The following EFCAB6 variants were observed in gnomAD, a reference collection of about 807,000 sequenced individuals.
EFCAB6 encodes EF-hand calcium-binding domain-containing protein 6.
Under a neutral mutation model 169.8 loss-of-function variants are expected in EFCAB6, and 156 were observed. The ratio of observed to expected loss-of-function variants is 0.92; its 90% CI spans 0.81 to 1.05. The LOEUF (loss-of-function observed/expected upper bound fraction) is 1.05, where lower values mean the gene tolerates loss of function less well. Among genes scored for constraint, EFCAB6 ranks in the 50% least tolerant of loss-of-function variants. The pLI is 0.00. For synonymous variants in EFCAB6, 698 were observed against 676.4 expected (o/e 1.03, Z -0.50); for missense variants, 1,800 against 1,829.1 (o/e 0.98, Z 0.29).
intron 6 of EFCAB6, among the ~76,000 whole-genome samples, chr22:43,751,468 T>C (rs892521913): frequency 6.6e-6 from 1 of 152,206 alleles, no homozygotes; most frequent in South Asian, 2.1e-4. Context: ...CTTTCTCTCC[T>C]GGCAGTCCTC....
At position 43,633,184 on chromosome 22, in the gene EFCAB6, C is replaced by A. The variant is rs541649579; in HGVS notation, c.2099-946G>T. On this transcript the variant is annotated intron_variant, in intron 18 of 31. Transcript: ENST00000262726. ...GAATCCAGGCTGTCTGATACTAAGA[C>A]CCGTTGGTTCCCTACTGCCTATGCC... Among the ~76,000 whole-genome samples, 5 of 152,294 alleles carry A rather than the reference C, an allele frequency of 3.3e-5. No homozygotes were observed. In the South Asian group the frequency reaches 1.0e-3, roughly 32 times the overall value.
chr22:43,771,494 T>C (rs1420333869), intron 4 of EFCAB6, among the ~76,000 whole-genome samples: 1 of 152,150 alleles, frequency 6.6e-6, no homozygotes, highest in East Asian at 1.9e-4. Context: ...ACATATATAC[T>C]TGTCTGTGTG....
intron 25 of EFCAB6, among the ~76,000 whole-genome samples, chr22:43,578,880 C>CCG (rs1170803865): frequency 8.8e-5 from 13 of 147,530 alleles, no homozygotes; most frequent in Non-Finnish European, 1.0e-4. Context: ...GCATCATTGT[C>CCG]TACATGCAAG....
chr22:43,566,353 G>A (rs1042956543), intron 26 of EFCAB6, among the ~76,000 whole-genome samples: 5 of 152,194 alleles, frequency 3.3e-5, no homozygotes, highest in African/African-American at 9.7e-5. Context: ...CAGCTAATCC[G>A]AAGATTCCAG....
chr22:43,745,619 G>A (rs1329961158), intron 6 of EFCAB6, among the ~76,000 whole-genome samples: 1 of 152,132 alleles, frequency 6.6e-6, no homozygotes, highest in East Asian at 1.9e-4. Flanking sequence ...AACACCCACG[G>A]CTGTCAGTCT....
At chr22:43,705,580 A>T (rs1230637887) in intron 10 of EFCAB6, among the ~76,000 whole-genome samples, 1 of 152,186 alleles carries the variant, frequency 6.6e-6, no homozygotes, top group Non-Finnish European at 1.5e-5. Flanking sequence ...ATTTTGAAAG[A>T]AAAATCACAA....
chr22:43,673,229 T>C (rs1248811149), intron 13 of EFCAB6, among the ~76,000 whole-genome samples: 5 of 152,196 alleles, frequency 3.3e-5, no homozygotes, highest in Admixed American at 2.0e-4. Flanking sequence ...AAACTTCCTT[T>C]CACTCCATCC....
At chr22:43,670,344 C>A (rs930426801) in intron 15 of EFCAB6, among the ~76,000 whole-genome samples, 4 of 152,174 alleles carry the variant, frequency 2.6e-5, no homozygotes, top group East Asian at 1.9e-4. Flanking sequence ...TGTCCCGAGA[C>A]CAAAAGTGCT....
chr22:43,636,094 A>T (rs373850273), intron 17 of EFCAB6, among the ~76,000 whole-genome samples: 1 of 152,206 alleles, frequency 6.6e-6, no homozygotes, highest in East Asian at 1.9e-4. Flanking sequence ...TTCTAAATGC[A>T]TCTATGGGCC....
chr22:43,683,674 T>C lies in EFCAB6; in HGVS notation c.1251+73A>G, dbSNP rs941728382. 6 of 1,067,130 alleles carry C rather than the reference T, an allele frequency of 5.6e-6. No individual in the cohort carries two copies. In the African/African-American group the frequency reaches 7.8e-5, roughly 14 times the overall value. 66.1% of individuals were successfully genotyped at this position (1,067,130 alleles called of 1,614,324 possible). A position where few individuals can be genotyped will look rare whatever the true frequency, so the allele number is the denominator to read the frequency against. On this transcript the variant is annotated intron_variant, in intron 12 of 31. Coordinates refer to ENST00000262726, the MANE Select transcript of EFCAB6 (RefSeq NM_022785.4). ...TAAATGAACGAATATGGAGTTGTTA[T>C]TGGTCTTGTTCTGAGTGTTTGCATT...
rs2057376629 is a variant in EFCAB6 at position 43,669,026 on chromosome 22, C to T, written c.1660G>A (p.Asp554Asn). 2 of 1,607,604 alleles carry T rather than the reference C, an allele frequency of 1.2e-6. No homozygotes were observed. The highest frequency in any genetic ancestry group is 1.3e-5 in the African/African-American group (1 of 74,844). Residue 554 changes from aspartate (D) to asparagine (N), a missense_variant, in exon 16 of 32, where the codon GAC becomes AAC. Asp to Asn is a conservative substitution (Grantham distance 23). Coordinates refer to ENST00000262726, the MANE Select transcript of EFCAB6 (RefSeq NM_022785.4). ...TAAAGGATTCTTCCTGAACCAATGT[C>T]CTGAATCTTACTGCAGAGTCTGAAT... ...HFIKLCSKIQ[D>N]IGSGRILYKK...
intron 3 of EFCAB6, among the ~76,000 whole-genome samples, chr22:43,780,486 CAAAAAAAAAA>C (rs34634496): frequency 4.1e-5 from 2 of 49,024 alleles, no homozygotes; most frequent in African/African-American, 8.5e-5. Flanking sequence ...GACTCTGTCT[CAAAAAAAAAA>C]AAAAAAAAAA....
chr22:43,757,107 C>A (rs968419914), intron 5 of EFCAB6, among the ~76,000 whole-genome samples: 1 of 152,198 alleles, frequency 6.6e-6, no homozygotes, highest in Admixed American at 6.5e-5. Flanking sequence ...TAGGAGGAAA[C>A]TGAGTCTCAG....
chr22:43,604,542 C>T (rs2052769935), intron 22 of EFCAB6, among the ~76,000 whole-genome samples: 2 of 152,196 alleles, frequency 1.3e-5, no homozygotes, highest in South Asian at 4.1e-4. Flanking sequence ...CATTTCTAAG[C>T]TAATGATCTT....
intron 23 of EFCAB6, 117 bp from the exon 24 acceptor site, chr22:43,590,346 T>C: frequency 8.2e-7 from 1 of 1,226,432 alleles, no homozygotes; most frequent in East Asian, 2.5e-5. Context: ...TAAGAACTAA[T>C]TTTGAAGATG....
intron 17 of EFCAB6, among the ~76,000 whole-genome samples, chr22:43,657,085 T>A (rs2056783912): frequency 6.6e-6 from 1 of 151,408 alleles, no homozygotes; most frequent in Non-Finnish European, 1.5e-5. Flanking sequence ...AGCCCAGGAG[T>A]TCAAGACCAG....
At chr22:43,603,141 T>C (rs1164397811) in intron 22 of EFCAB6, among the ~76,000 whole-genome samples, 2 of 152,134 alleles carry the variant, frequency 1.3e-5, no homozygotes, top group Non-Finnish European at 2.9e-5. Flanking sequence ...AACAACAAAC[T>C]TTCCATCATG....
At chr22:43,784,047 C>T (rs1027360032) in intron 2 of EFCAB6, among the ~76,000 whole-genome samples, 18 of 152,038 alleles carry the variant, frequency 1.2e-4, no homozygotes, top group African/African-American at 4.1e-4. Flanking sequence ...CCAGCCTGGG[C>T]AACAGAGAAA....
chr22:43,680,095 T>C (rs2057942916), intron 12 of EFCAB6, among the ~76,000 whole-genome samples: 1 of 152,104 alleles, frequency 6.6e-6, no homozygotes. Flanking sequence ...CTTCTAAGAG[T>C]TTTATGAGTT....
Sources: allele counts gnomAD v4.1 joint callset (sites outside exome capture counted in the v4.1 genomes callset), GRCh38; gene constraint gnomAD v4.1.1; transcripts MANE v1.5; gene names NCBI Gene and HGNC (gene_info 2026-07-23, HGNC 2026-07-21).